The following GLYR1 variants were observed in gnomAD, a reference collection of about 807,000 sequenced individuals.
GLYR1 encodes glyoxylate reductase 1 homolog.
Under a neutral mutation model 72.7 loss-of-function variants are expected in GLYR1, and 21 were observed. That is an observed-to-expected ratio of 0.29 (90% CI 0.20 to 0.42). The LOEUF (loss-of-function observed/expected upper bound fraction) is 0.42, where lower values mean the gene tolerates loss of function less well. Among genes scored for constraint, GLYR1 ranks in the 10% least tolerant of loss-of-function variants. The pLI, the probability that GLYR1 is intolerant of heterozygous loss-of-function variation, is 1.00. For missense variants in GLYR1, 594 were observed against 712.1 expected, an observed-to-expected ratio of 0.83 and a Z score of 1.89; for synonymous variants, 392 against 270.2, an observed-to-expected ratio of 1.45 and a Z score of -4.42.
At position 4,817,535 on chromosome 16, in the gene GLYR1, T is replaced by A. The variant is rs894595682; in HGVS notation, c.906+63A>T. On this transcript the variant is annotated intron_variant, in intron 10 of 15. Transcript: ENST00000321919. ...AGAACGCTGAGACAACAGGGGGAGA[T>A]GTCCACTCTTAGGGTTACCCCAGAC... 8.6e-6 allele frequency: 8 copies of A among 934,026 alleles called. No individual in the cohort carries two copies. In the Admixed American group the frequency reaches 1.4e-4, roughly 17 times the overall value. 57.9% of individuals were successfully genotyped at this position (934,026 alleles called of 1,614,324 possible).
intron 15 of GLYR1, among the ~76,000 whole-genome samples, chr16:4,810,402 T>G (rs1222952825): frequency 6.6e-6 from 1 of 151,216 alleles, no homozygotes; most frequent in Non-Finnish European, 1.5e-5. Context: ...GGAGGCTACT[T>G]GGGAGGCAGA....
Position 4,847,279 on chromosome 16 carries a change from C to T in GLYR1, c.-14G>A. The T allele has an allele frequency of 1.2e-6, 2 of 1,610,112 alleles. No individual in the cohort carries two copies. Among genetic ancestry groups the T allele is most frequent in the Non-Finnish European group, 1.7e-6 (2 of 1,178,984 alleles). On this transcript the variant is annotated 5_prime_UTR_variant, in exon 1 of 16. Transcript: ENST00000321919. ...CACAGCCGCCATCTTACCACCCAAC[C>T]ACCGCCGACGCACGGGCCGCCGGGA... is the stretch of plus-strand genomic sequence containing the variant.
intron 4 of GLYR1, 102 bp from the exon 5 acceptor site, chr16:4,832,323 G>A: frequency 1.4e-6 from 2 of 1,407,366 alleles, no homozygotes; most frequent in Non-Finnish European, 2.0e-6. Flanking sequence ...ACTCTGTGTG[G>A]TCTCCTCACA....
intron 13 of GLYR1, 62 bp from the exon 14 acceptor site, chr16:4,811,864 C>T (rs2083339770): frequency 6.5e-7 from 1 of 1,545,952 alleles, no homozygotes; most frequent in Non-Finnish European, 8.8e-7. Flanking sequence ...CTTCTCTGTC[C>T]ACCCTCACCT....
chr16:4,826,951 T>C (rs1172257206), intron 5 of GLYR1, among the ~76,000 whole-genome samples: 3 of 152,220 alleles, frequency 2.0e-5, no homozygotes, highest in Admixed American at 1.3e-4. Flanking sequence ...CCTAAACTTC[T>C]GCTCCTCGTG....
chr16:4,811,686 T>C lies in GLYR1; in HGVS notation c.1399A>G (p.Thr467Ala). The C allele has an allele frequency of 6.2e-7, 1 of 1,614,222 alleles. No homozygotes were observed. The highest frequency in any genetic ancestry group is 8.5e-7 in the Non-Finnish European group (1 of 1,180,040). Residue 467 changes from threonine to alanine, a missense_variant, in exon 14 of 16, where the codon ACA becomes GCA. Physicochemically the swap from Thr to Ala is moderately conservative, Grantham distance 58. Transcript: ENST00000321919. ...CCCTGATTGAGGATGTCCAAGAGTG[T>C]CTGCTGGGACTGGCCTGTCACCTGG... is the stretch of plus-strand genomic sequence containing the variant. ...LAQVTGQSQQ[T>A]LLDILNQGQL...
chr16:4,829,632 A>C (rs2084658238), intron 5 of GLYR1, among the ~76,000 whole-genome samples: 1 of 151,574 alleles, frequency 6.6e-6, no homozygotes. Context: ...GACTACAGGC[A>C]CACACCACCA....
chr16:4,844,188 A>C (rs990039042), intron 3 of GLYR1, among the ~76,000 whole-genome samples: 1 of 152,094 alleles, frequency 6.6e-6, no homozygotes, highest in African/African-American at 2.4e-5. Flanking sequence ...ATAAAAAGCT[A>C]AACAAATCAC....
At chr16:4,818,925 T>A (rs568711415) in intron 9 of GLYR1, among the ~76,000 whole-genome samples, 1 of 152,122 alleles carries the variant, frequency 6.6e-6, no homozygotes, top group Non-Finnish European at 1.5e-5. Flanking sequence ...GAAGCACTCA[T>A]TGGCCAGTCT....
At chr16:4,842,561 A>G (rs2085642659) in intron 3 of GLYR1, among the ~76,000 whole-genome samples, 1 of 151,940 alleles carries the variant, frequency 6.6e-6, no homozygotes. Context: ...AGGTCTTGCT[A>G]TGTTGTCCAG....
At chr16:4,841,732 T>C (rs1246378809) in intron 3 of GLYR1, among the ~76,000 whole-genome samples, 1 of 152,186 alleles carries the variant, frequency 6.6e-6, no homozygotes, top group African/African-American at 2.4e-5. Flanking sequence ...GTTCCCATTT[T>C]TGTTTCAGAC....
chr16:4,843,444 C>A, intron 3 of GLYR1: 2 of 1,214,960 alleles, frequency 1.6e-6, no homozygotes, highest in Non-Finnish European at 2.1e-6. Flanking sequence ...CCTGAGGCAC[C>A]ATGCCCGGCC....
intron 6 of GLYR1, 27 bp from the exon 7 acceptor site, chr16:4,822,958 A>C (rs1292811324): frequency 2.5e-6 from 4 of 1,603,062 alleles, no homozygotes; most frequent in Non-Finnish European, 3.4e-6. Flanking sequence ...GTGAAATAAA[A>C]CCAGTTATCT....
intron 5 of GLYR1, among the ~76,000 whole-genome samples, chr16:4,828,645 C>G (rs1219266274): frequency 6.6e-6 from 1 of 152,048 alleles, no homozygotes; most frequent in Admixed American, 6.6e-5. Context: ...CGGCCAGTGT[C>G]TGCGAAACAA....
intron 4 of GLYR1, 139 bp downstream of exon 4, chr16:4,832,635 C>T (rs2084871979): frequency 8.8e-6 from 9 of 1,024,956 alleles, no homozygotes; most frequent in Non-Finnish European, 1.3e-5. Context: ...AAAACGCTGA[C>T]ACCTTAGAAC....
chr16:4,843,695 T>C, intron 3 of GLYR1: 2 of 1,214,464 alleles, frequency 1.6e-6, no homozygotes, highest in Admixed American at 2.4e-5. Flanking sequence ...TAAGTAGAAA[T>C]ACTTTAACCG....
intron 3 of GLYR1, among the ~76,000 whole-genome samples, chr16:4,833,643 C>CAA (rs112227653): frequency 0.2 from 26,301 of 128,434 alleles, 2,492 homozygotes; most frequent in East Asian, 0.27. Flanking sequence ...TATGATGTCT[C>CAA]AAAAAAAAAA....
chr16:4,813,704 A>T lies in GLYR1; in HGVS notation c.1119+33T>A, dbSNP rs565724308. The T allele has an allele frequency of 3.9e-6, 6 of 1,537,556 alleles. No individual in the cohort carries two copies. The South Asian group carries it at 5.9e-5, about 15-fold the overall frequency. Reference sequence around the variant, plus strand: ...TGGGTCTTGGGCTCTGATAGAAAAGATGCTGGAGAGCCAGCCCAAGGAAGG... The same window carrying T: ...TGGGTCTTGGGCTCTGATAGAAAAGTTGCTGGAGAGCCAGCCCAAGGAAGG... On this transcript the variant is annotated intron_variant, in intron 12 of 15. Transcript: ENST00000321919.
chr16:4,808,956 C>A (rs2083160804), intron 15 of GLYR1, among the ~76,000 whole-genome samples: 3 of 152,040 alleles, frequency 2.0e-5, no homozygotes, highest in African/African-American at 7.2e-5. Context: ...GAGAGTGAGA[C>A]TGTGTCTCAA....
Sources: allele counts gnomAD v4.1 joint callset (sites outside exome capture counted in the v4.1 genomes callset), GRCh38; gene constraint gnomAD v4.1.1; transcripts MANE v1.5; gene names NCBI Gene and HGNC (gene_info 2026-07-23, HGNC 2026-07-21).